Variants in DTNB observed in about 807,000 individuals in gnomAD.
DTNB encodes the protein DTN-B.
DTNB carries 63 observed loss-of-function variants against 90.7 expected under a neutral mutation model. The observed-to-expected ratio is 0.69, with a 90% confidence interval of 0.57 to 0.86. DTNB has a LOEUF of 0.86. Among genes scored for constraint, DTNB ranks in the 40% least tolerant of loss-of-function variants. The pLI is 0.00. For synonymous variants in DTNB, 277 were observed against 286.7 expected, an observed-to-expected ratio of 0.97 and a Z score of 0.34; for missense variants, 744 against 807.1, an observed-to-expected ratio of 0.92 and a Z score of 0.95.
chr2:25,432,896 G>T lies in DTNB; in HGVS notation c.1447C>A (p.Arg483=). The part of the protein sequence containing the change: ...QQNPTLLAEL[R]LLRQRKDELE... ...AGTGTCCCTACTCACCTCAGCAGCC[G>T]CAGCTCTGCCAGCAGCGTGGGGTTC... Residue 483 remains arginine, a synonymous_variant, in exon 14 of 21, where the codon CGG becomes AGG. Coordinates refer to ENST00000406818, the MANE Select transcript of DTNB (RefSeq NM_021907.5). 1.2e-6 allele frequency: 2 copies of T among 1,603,192 alleles called. No individual in the cohort carries two copies. Among genetic ancestry groups the T allele is most frequent in the Non-Finnish European group, 1.7e-6 (2 of 1,175,784 alleles).
chr2:25,501,281 T>A (rs1165931674), intron 9 of DTNB, among the ~76,000 whole-genome samples: 1 of 151,802 alleles, frequency 6.6e-6, no homozygotes, highest in Non-Finnish European at 1.5e-5. Context: ...GGCAGGATCA[T>A]AGCTGCCACT....
intron 9 of DTNB, among the ~76,000 whole-genome samples, chr2:25,519,269 C>T (rs943825475): frequency 1.3e-5 from 2 of 151,534 alleles, no homozygotes; most frequent in South Asian, 4.2e-4. Flanking sequence ...GAGGCTGAGA[C>T]AGGAGGATCT....
chr2:25,599,942 A>C (rs982183090), intron 5 of DTNB, among the ~76,000 whole-genome samples: 2 of 151,156 alleles, frequency 1.3e-5, no homozygotes, highest in African/African-American at 4.9e-5. Flanking sequence ...ACAAAAAATA[A>C]AAAAAATTAG....
chr2:25,441,329 C>T (rs2057339825), intron 12 of DTNB, among the ~76,000 whole-genome samples: 1 of 152,224 alleles, frequency 6.6e-6, no homozygotes, highest in African/African-American at 2.4e-5. Flanking sequence ...AGAGAATTCA[C>T]TTGCTTCTAG....
At chr2:25,526,391 A>ATTTTTTTT (rs1312936429) in intron 9 of DTNB, among the ~76,000 whole-genome samples, 3 of 64,630 alleles carry the variant, frequency 4.6e-5, no homozygotes, top group African/African-American at 2.4e-4. Flanking sequence ...ATATATATAT[A>ATTTTTTTT]TATATTTTTT....
chr2:25,388,834 G>A (rs1355005784), intron 16 of DTNB, among the ~76,000 whole-genome samples: 1 of 151,692 alleles, frequency 6.6e-6, no homozygotes, highest in Non-Finnish European at 1.5e-5. Flanking sequence ...GTGTGTGTAT[G>A]TATATATTTA....
At chr2:25,607,458 G>A in intron 4 of DTNB, 137 bp from the exon 5 acceptor site, 1 of 812,654 alleles carries the variant, frequency 1.2e-6, no homozygotes, top group Non-Finnish European at 1.8e-6. Context: ...TAGAAACCCT[G>A]GATTTTTTTT....
chr2:25,585,378 A>G (rs1319857515), intron 6 of DTNB, among the ~76,000 whole-genome samples: 1 of 152,162 alleles, frequency 6.6e-6, no homozygotes, highest in Non-Finnish European at 1.5e-5. Context: ...CCTCTATAAA[A>G]CACTGAGACT....
At chr2:25,545,258 AATTTC>A (rs778456656) in intron 8 of DTNB, among the ~76,000 whole-genome samples, 30 of 152,234 alleles carry the variant, frequency 2.0e-4, no homozygotes, top group Non-Finnish European at 3.4e-4. Context: ...CACTATTCCC[AATTTC>A]ATTTCTTTAA....
intron 4 of DTNB, among the ~76,000 whole-genome samples, chr2:25,622,330 A>G (rs1240353558): frequency 6.6e-6 from 1 of 152,176 alleles, no homozygotes; most frequent in African/African-American, 2.4e-5. Context: ...CTGAACATAT[A>G]AAAATTAGCC....
intron 10 of DTNB, among the ~76,000 whole-genome samples, chr2:25,478,149 C>T (rs973529291): frequency 2.6e-5 from 4 of 152,042 alleles, no homozygotes. Flanking sequence ...TTGCAATTAT[C>T]CTATTTGGAG....
At chr2:25,481,973 T>C (rs1275467248) in intron 10 of DTNB, 1 of 152,228 alleles carries the variant, frequency 6.6e-6, no homozygotes, top group African/African-American at 2.4e-5. Context: ...AGCATTTCTA[T>C]AGCTGAATTA....
intron 8 of DTNB, among the ~76,000 whole-genome samples, chr2:25,571,959 G>C (rs1045091696): frequency 6.6e-6 from 1 of 152,056 alleles, no homozygotes; most frequent in African/African-American, 2.4e-5. Flanking sequence ...GGAAACCGTG[G>C]ATACTACTGA....
chr2:25,623,540 G>A (rs1223886088), intron 4 of DTNB, among the ~76,000 whole-genome samples: 2 of 152,168 alleles, frequency 1.3e-5, no homozygotes, highest in African/African-American at 4.8e-5. Flanking sequence ...GTGTCCAGAA[G>A]TAAACAGGTC....
intron 15 of DTNB, among the ~76,000 whole-genome samples, chr2:25,423,086 A>T (rs2050315317): frequency 6.6e-6 from 1 of 152,168 alleles, no homozygotes; most frequent in African/African-American, 2.4e-5. Flanking sequence ...ACTACTCAGG[A>T]GACTGAGGCA....
At position 25,427,525 on chromosome 2, in the gene DTNB, G is replaced by A. The variant is rs771152834; in HGVS notation, c.1554+10C>T. On this transcript the variant is annotated intron_variant, in intron 15 of 20. Transcript: ENST00000406818. The stretch of plus-strand genomic sequence containing the variant: ...ATGACAAGAACTGAGCGTGGGCCAC[G>A]GGCTCTTACCTTCAGCAACTTCATC... 5.6e-6 allele frequency: 9 copies of A among 1,613,196 alleles called. No homozygotes were observed. Among genetic ancestry groups the A allele is most frequent in the Admixed American group, 3.3e-5 (2 of 59,942 alleles).
chr2:25,403,059 T>C (rs2044153092), intron 16 of DTNB, among the ~76,000 whole-genome samples: 1 of 152,214 alleles, frequency 6.6e-6, no homozygotes, highest in Admixed American at 6.5e-5. Context: ...AAGACTAGAA[T>C]TACCTCCTTT....
chr2:25,666,912 T>C (rs1018329400), intron 1 of DTNB, among the ~76,000 whole-genome samples: 1 of 152,252 alleles, frequency 6.6e-6, no homozygotes, highest in South Asian at 2.1e-4. Flanking sequence ...TGCCAATCTC[T>C]GCCTAGAACT....
intron 9 of DTNB, among the ~76,000 whole-genome samples, chr2:25,509,877 A>G (rs1159538638): frequency 6.6e-6 from 1 of 151,234 alleles, no homozygotes; most frequent in Non-Finnish European, 1.5e-5. Context: ...CAGTCTCCCA[A>G]GTAGCTGGGA....
Sources: gnomAD v4.1 joint callset for allele counts (sites outside exome capture counted in the v4.1 genomes callset) on GRCh38, gnomAD v4.1.1 for gene constraint, MANE v1.5 for transcripts, NCBI Gene and HGNC (gene_info 2026-07-23, HGNC 2026-07-21) for gene names.